ABCC4: variants seen among roughly 807,000 people sequenced by gnomAD.
ABCC4 encodes the protein ATP binding cassette subfamily C member 4 (PEL blood group).
A neutral mutation model predicts 168.5 loss-of-function variants in ABCC4; 102 were observed. The ratio of observed to expected loss-of-function variants is 0.61; its 90% confidence interval spans 0.52 to 0.71. The LOEUF is 0.71. ABCC4 is among the 30% of genes least tolerant of loss of function. The pLI, the probability that ABCC4 is intolerant of heterozygous loss-of-function variation, is 0.00. For missense variants in ABCC4, 1,402 were observed against 1,605.8 expected (o/e 0.87, Z 2.17); for synonymous variants, 617 against 590.7 (o/e 1.04, Z -0.65).
chr13:95,202,908 C>T (rs1265001084), intron 8 of ABCC4, among the ~76,000 whole-genome samples: 2 of 152,144 alleles, frequency 1.3e-5, no homozygotes, highest in South Asian at 2.1e-4. Context: ...GATCCGTCCA[C>T]CTAGGCCTCC....
chr13:95,158,811 T>G lies in ABCC4; in HGVS notation c.2455+2378A>C, dbSNP rs1439207231. Among the ~76,000 whole-genome samples, 4 of 152,066 alleles carry G rather than the reference T, an allele frequency of 2.6e-5. No individual in the cohort carries two copies. In the East Asian group the frequency reaches 7.7e-4, roughly 29 times the overall value. ...CCGGCTGGGTCCAGTGGCTCATGCC[T>G]GTAATCCCAGCACTTGAGGAGACTG... On this transcript the variant is annotated intron_variant, in intron 19 of 30. Transcript: ENST00000645237.
At chr13:95,208,925 C>T (rs2038867368) in intron 6 of ABCC4, among the ~76,000 whole-genome samples, 1 of 152,152 alleles carries the variant, frequency 6.6e-6, no homozygotes, top group South Asian at 2.1e-4. Context: ...CAGCTAACAA[C>T]CATATTCCTA....
At chr13:95,295,580 C>A (rs1464996061) in intron 1 of ABCC4, among the ~76,000 whole-genome samples, 5 of 152,004 alleles carry the variant, frequency 3.3e-5, no homozygotes, top group Non-Finnish European at 7.4e-5. Context: ...ATCACTTGAA[C>A]CCTGGAGGCA....
intron 20 of ABCC4, among the ~76,000 whole-genome samples, chr13:95,101,671 G>T (rs971991664): frequency 2.0e-5 from 3 of 152,070 alleles, no homozygotes; most frequent in Admixed American, 2.0e-4. Flanking sequence ...TGAAAATTAC[G>T]TTATTATGAG....
At chr13:95,148,591 AACACACACACACACACACACACAC>A (rs55998383) in intron 19 of ABCC4, among the ~76,000 whole-genome samples, 3 of 129,790 alleles carry the variant, frequency 2.3e-5, no homozygotes, top group East Asian at 2.2e-4. Flanking sequence ...TACCCATCAC[AACACACACACACACACACACACAC>A]ACACACACAC....
At chr13:95,130,476 T>C (rs1268507204) in intron 19 of ABCC4, among the ~76,000 whole-genome samples, 1 of 152,194 alleles carries the variant, frequency 6.6e-6, no homozygotes, top group Non-Finnish European at 1.5e-5. Flanking sequence ...CACTATGATA[T>C]AAAATGATTT....
chr13:95,139,871 A>G (rs2139476798), intron 19 of ABCC4, among the ~76,000 whole-genome samples: 1 of 152,290 alleles, frequency 6.6e-6, no homozygotes, highest in East Asian at 1.9e-4. Flanking sequence ...CTGTACCAAT[A>G]TGTGCTTCCA....
At position 95,067,834 on chromosome 13, in the gene ABCC4, ATCTACC is replaced by A. The variant is rs1213015155; in HGVS notation, c.3210+3822_3210+3827del. 2.0e-5 allele frequency among the ~76,000 whole-genome samples: 3 copies of A among 152,164 alleles called. No homozygotes were observed. In the East Asian group the frequency reaches 5.8e-4, roughly 29 times the overall value. On this transcript the variant is annotated intron_variant, in intron 25 of 30. Transcript: ENST00000645237. ...AAAAAAAAATAACAAACCAAAATCA[ATCTACC>A]TCTAGAGCTGAAAAATGCTTTAAAA...
chr13:95,230,559 G>A (rs572709479), intron 4 of ABCC4, among the ~76,000 whole-genome samples: 2 of 152,272 alleles, frequency 1.3e-5, no homozygotes, highest in South Asian at 4.1e-4. Flanking sequence ...AGCAGATCGC[G>A]AGGTCAGTAG....
chr13:95,043,691 G>C lies in ABCC4; in HGVS notation c.3726C>G (p.Asp1242Glu). 1 of 1,611,030 alleles carries C rather than the reference G, an allele frequency of 6.2e-7. No individual in the cohort carries two copies. Among genetic ancestry groups the C allele is most frequent in the Non-Finnish European group, 8.5e-7 (1 of 1,177,630 alleles). ...CAGGTGAAGGACTCACCATTATCTT[G>C]TCGCTGTCAATAATGGTGTTCAATC... ...AHRLNTIIDS[D>E]KIMVLDSGRL... is the part of the protein sequence containing the mutation. Residue 1242 changes from aspartate (D) to glutamate (E), a missense_variant, in exon 29 of 31, where the codon GAC becomes GAG. Physicochemically the swap from Asp to Glu is conservative, Grantham distance 45. This residue lies in a region of ABCC4 where 1,007 missense variants were observed against 1,127.3 expected (regional missense o/e 0.89). Coordinates refer to ENST00000645237, the MANE Select transcript of ABCC4 (RefSeq NM_005845.5).
intron 25 of ABCC4, among the ~76,000 whole-genome samples, chr13:95,065,788 T>A (rs2033514459): frequency 6.6e-6 from 1 of 152,214 alleles, no homozygotes. Context: ...CCCACCTGTA[T>A]CCCTGCAAAT....
At chr13:95,131,502 G>A (rs760294917) in intron 19 of ABCC4, among the ~76,000 whole-genome samples, 4 of 152,128 alleles carry the variant, frequency 2.6e-5, no homozygotes, top group Non-Finnish European at 4.4e-5. Flanking sequence ...GGTGGTGCAC[G>A]ACTATAATCC....
At chr13:95,150,363 T>G (rs919918058) in intron 19 of ABCC4, among the ~76,000 whole-genome samples, 3 of 152,182 alleles carry the variant, frequency 2.0e-5, no homozygotes, top group Non-Finnish European at 4.4e-5. Flanking sequence ...GCTGGAACAT[T>G]TGCCTATGTG....
intron 1 of ABCC4, among the ~76,000 whole-genome samples, chr13:95,296,234 A>G: frequency 6.6e-6 from 1 of 151,696 alleles, no homozygotes; most frequent in Non-Finnish European, 1.5e-5. Context: ...CTGTAATCCC[A>G]ACGCTTGGGA....
At chr13:95,108,122 A>C (rs149819828) in intron 20 of ABCC4, among the ~76,000 whole-genome samples, 1,529 of 152,310 alleles carry the variant, frequency 0.01, 26 homozygotes, top group African/African-American at 0.034. Context: ...CTGACCACTC[A>C]AAATGTCTAA....
chr13:95,208,336 A>G (rs114357938), intron 6 of ABCC4, among the ~76,000 whole-genome samples: 18,449 of 64,142 alleles, frequency 0.29, 1,535 homozygotes, highest in Non-Finnish European at 0.35. Flanking sequence ...AGAGGAGAGC[A>G]AAAAAAAAAA....
chr13:95,195,025 T>C (rs1342695480), intron 8 of ABCC4, 88 bp from the exon 9 acceptor site: 1 of 1,055,762 alleles, frequency 9.5e-7, no homozygotes, highest in Non-Finnish European at 1.4e-6. Flanking sequence ...ATTTGTAACA[T>C]AAAACTTTAT....
intron 3 of ABCC4, among the ~76,000 whole-genome samples, chr13:95,244,972 A>C (rs1465980883): frequency 1.3e-5 from 2 of 151,986 alleles, no homozygotes; most frequent in African/African-American, 4.8e-5. Context: ...CCCTTCCCAC[A>C]TGCCCACCAG....
intron 19 of ABCC4, among the ~76,000 whole-genome samples, chr13:95,137,677 C>T (rs1402636331): frequency 1.3e-5 from 2 of 152,130 alleles, no homozygotes; most frequent in African/African-American, 4.8e-5. Context: ...GGGGGGAACT[C>T]CAATTTGCAC....
Sources: gnomAD v4.1 joint callset for allele counts (sites outside exome capture counted in the v4.1 genomes callset) on GRCh38, gnomAD v4.1.1 for gene constraint, gnomAD v4.1.1 regional missense constraint, MANE v1.5 for transcripts, NCBI Gene and HGNC (gene_info 2026-07-23, HGNC 2026-07-21) for gene names.